Variants in CEP83 observed in about 807,000 individuals in gnomAD.
The protein encoded by CEP83 is centrosomal protein of 83 kDa.
A neutral mutation model predicts 101.9 loss-of-function variants in CEP83; 70 were observed. That is an observed-to-expected ratio of 0.69 (90% CI 0.57 to 0.84). CEP83 has a LOEUF of 0.84. CEP83 is among the 40% of genes least tolerant of loss of function. CEP83 has a pLI of 0.00. For synonymous variants in CEP83, 264 were observed against 267.9 expected (o/e 0.99, Z 0.14); for missense variants, 715 against 787.2 (o/e 0.91, Z 1.10).
At chr12:94,427,254 T>C (rs945606778) in intron 2 of CEP83, among the ~76,000 whole-genome samples, 2 of 152,164 alleles carry the variant, frequency 1.3e-5, no homozygotes, top group African/African-American at 4.8e-5. Flanking sequence ...GTTTACTAAA[T>C]ACAGAAATTC....
chr12:94,280,097 A>G, the CEP83 span: 1 of 328,594 alleles, frequency 3.0e-6, no homozygotes, highest in South Asian at 2.4e-5. Flanking sequence ...CCTGCTAGAA[A>G]GGTCATCTTC....
intron 11 of CEP83, among the ~76,000 whole-genome samples, chr12:94,361,978 G>C (rs542615031): frequency 2.0e-5 from 3 of 152,236 alleles, no homozygotes; most frequent in Admixed American, 6.5e-5. Flanking sequence ...TGGGATTACA[G>C]GTGTGAACCA....
intron 6 of CEP83, among the ~76,000 whole-genome samples, chr12:94,391,740 C>T (rs1052953170): frequency 1.3e-5 from 2 of 151,822 alleles, no homozygotes; most frequent in Middle Eastern, 3.4e-3. Context: ...ACCCATCTCA[C>T]GTGCAAAGAC....
At chr12:94,328,264 T>C in intron 14 of CEP83, 1 of 369,314 alleles carries the variant, frequency 2.7e-6, no homozygotes, top group Middle Eastern at 3.6e-4. Flanking sequence ...TCTCTCTGTA[T>C]GTATCAGTCA....
intron 2 of CEP83, among the ~76,000 whole-genome samples, chr12:94,423,457 C>CTTTTTTTTTTTTT (rs763433431): frequency 8.3e-6 from 1 of 120,566 alleles, no homozygotes; most frequent in African/African-American, 3.1e-5. Flanking sequence ...TCTGGTTCAA[C>CTTTTTTTTTTTTT]TTTTTTTTTT....
At chr12:94,434,286 TAAG>T (rs1400430020) in intron 2 of CEP83, among the ~76,000 whole-genome samples, 11 of 152,056 alleles carry the variant, frequency 7.2e-5, no homozygotes, top group Admixed American at 1.3e-4. Context: ...AACTAAAAAA[TAAG>T]AGATATGAAA....
intron 9 of CEP83, 35 bp downstream of exon 9, chr12:94,369,887 C>A: frequency 2.1e-6 from 2 of 964,850 alleles, no homozygotes; most frequent in South Asian, 1.5e-5. Context: ...TGAAAATAAG[C>A]AGCAGCAGCA....
At chr12:94,394,228 C>T (rs1214318707) in intron 6 of CEP83, among the ~76,000 whole-genome samples, 1 of 152,182 alleles carries the variant, frequency 6.6e-6, no homozygotes, top group Non-Finnish European at 1.5e-5. Context: ...AACTATACTA[C>T]AAGGCTACAG....
intron 11 of CEP83, among the ~76,000 whole-genome samples, chr12:94,365,725 G>C: frequency 6.9e-6 from 1 of 144,114 alleles, no homozygotes; most frequent in East Asian, 2.0e-4. Context: ...AGCCAAGATC[G>C]CCCCACTGCC....
chr12:94,301,348 C>A, the CEP83 span, among the ~76,000 whole-genome samples: 120 of 152,288 alleles, frequency 7.9e-4, 1 homozygote, highest in East Asian at 0.022. Context: ...TCTATGGACA[C>A]TGATAAACTA....
At chr12:94,430,917 A>C (rs2065572691) in intron 2 of CEP83, among the ~76,000 whole-genome samples, 1 of 152,238 alleles carries the variant, frequency 6.6e-6, no homozygotes, top group African/African-American at 2.4e-5. Flanking sequence ...GGATGGAAAA[A>C]GACATTCTAT....
At chr12:94,367,661 G>A in intron 11 of CEP83, 133 bp downstream of exon 11, 1 of 484,850 alleles carries the variant, frequency 2.1e-6, no homozygotes, top group Non-Finnish European at 3.5e-6. Flanking sequence ...TTATAATATG[G>A]TTACATAGGT....
chr12:94,310,226 T>C lies in CEP83; in HGVS notation c.1812-119A>G, dbSNP rs1969641129. 2.9e-5 allele frequency: 11 copies of C among 382,120 alleles called. No homozygotes were observed. The Admixed American group carries it at 4.4e-4, about 15-fold the overall frequency. The allele number at this position is 382,120 out of a possible 1,614,324, so 23.7% of individuals were successfully genotyped here. A position where few individuals can be genotyped will look rare whatever the true frequency, so the allele number is the denominator to read the frequency against. On this transcript the variant is annotated intron_variant, in intron 15 of 16. Coordinates refer to ENST00000397809, the MANE Select transcript of CEP83 (RefSeq NM_016122.3). The stretch of plus-strand genomic sequence containing the variant: ...AATTATGAGATCTATATATAATATA[T>C]AGATAAAAAATCTGTTTACCTAGAA...
chr12:94,364,585 G>A (rs1026633499), intron 11 of CEP83, among the ~76,000 whole-genome samples: 5 of 151,892 alleles, frequency 3.3e-5, no homozygotes, highest in Non-Finnish European at 7.4e-5. Flanking sequence ...AGCCATGATC[G>A]CTCACTCCAG....
intron 14 of CEP83, among the ~76,000 whole-genome samples, chr12:94,313,720 C>T (rs973623950): frequency 5.9e-5 from 9 of 151,964 alleles, no homozygotes; most frequent in Non-Finnish European, 1.0e-4. Flanking sequence ...GCCTGTAGTT[C>T]CAGCTACTCA....
intron 15 of CEP83, among the ~76,000 whole-genome samples, 165 bp from the exon 16 acceptor site, chr12:94,310,272 T>C (rs1421755977): frequency 6.6e-6 from 1 of 152,086 alleles, no homozygotes; most frequent in Non-Finnish European, 1.5e-5. Context: ...AAACATGACA[T>C]AACATCTTAA....
At chr12:94,375,589 G>A (rs1416184007) in intron 8 of CEP83, among the ~76,000 whole-genome samples, 3 of 152,178 alleles carry the variant, frequency 2.0e-5, no homozygotes, top group Non-Finnish European at 4.4e-5. Flanking sequence ...CACAGTGGAT[G>A]TCATAAGAAT....
chr12:94,337,325 G>C (rs1356213471), intron 11 of CEP83, among the ~76,000 whole-genome samples: 6 of 152,164 alleles, frequency 3.9e-5, no homozygotes, highest in Non-Finnish European at 8.8e-5. Context: ...GTAGACTATA[G>C]AAGATGATAT....
intron 1 of CEP83, among the ~76,000 whole-genome samples, chr12:94,449,317 C>T (rs1457037250): frequency 6.6e-6 from 1 of 152,136 alleles, no homozygotes. Context: ...CAGGCCCCCA[C>T]AACTGCACTA....
Sources: allele counts gnomAD v4.1 joint callset (sites outside exome capture counted in the v4.1 genomes callset), GRCh38; gene constraint gnomAD v4.1.1; transcripts MANE v1.5; gene names NCBI Gene and HGNC (gene_info 2026-07-23, HGNC 2026-07-21).